LDLRAD3: variants seen among roughly 807,000 people sequenced by gnomAD.
LDLRAD3 encodes the protein low-density lipoprotein receptor class A domain-containing protein 3.
LDLRAD3 carries 20 observed loss-of-function variants against 29.4 expected under a neutral mutation model. The observed-to-expected ratio is 0.68, with a 90% CI of 0.48 to 0.99. The LOEUF (loss-of-function observed/expected upper bound fraction) is 0.99. LDLRAD3 is among the 50% of genes least tolerant of loss of function. The probability of loss-of-function intolerance (pLI) is 0.00; values close to 1 mark genes in which losing one functional copy is unlikely to be tolerated. For missense variants in LDLRAD3, 420 were observed against 454.3 expected (o/e 0.92, Z 0.69); for synonymous variants, 157 against 192.7 (o/e 0.81, Z 1.53).
intron 3 of LDLRAD3, among the ~76,000 whole-genome samples, chr11:36,097,197 C>T (rs1204492812): frequency 6.6e-6 from 1 of 152,122 alleles, no homozygotes; most frequent in Non-Finnish European, 1.5e-5. Flanking sequence ...GCTCACTGAC[C>T]AACTAGGTTC....
At chr11:35,952,360 T>G (rs1312277265) in intron 1 of LDLRAD3, among the ~76,000 whole-genome samples, 1 of 152,174 alleles carries the variant, frequency 6.6e-6, no homozygotes, top group African/African-American at 2.4e-5. Context: ...ATGTCAATAT[T>G]GACTTCATGC....
At chr11:36,107,278 G>T (rs2133283251) in intron 4 of LDLRAD3, among the ~76,000 whole-genome samples, 1 of 151,090 alleles carries the variant, frequency 6.6e-6, no homozygotes, top group Non-Finnish European at 1.5e-5. Context: ...TTGGCTCACT[G>T]CAACCTCCAC....
intron 4 of LDLRAD3, among the ~76,000 whole-genome samples, chr11:36,189,496 A>AG (rs1854905910): frequency 6.6e-6 from 1 of 151,794 alleles, no homozygotes; most frequent in African/African-American, 2.4e-5. Context: ...AAAATGAAGA[A>AG]GAAAAAAAAA....
At chr11:36,166,975 T>TA (rs1854525169) in intron 4 of LDLRAD3, among the ~76,000 whole-genome samples, 1 of 152,192 alleles carries the variant, frequency 6.6e-6, no homozygotes, top group South Asian at 2.1e-4. Flanking sequence ...TATGTGACCT[T>TA]ATTTGGATAT....
chr11:36,213,422 A>T lies in LDLRAD3; in HGVS notation c.455-13663A>T, dbSNP rs747546684. ...TTTAAATTAAACTTTTTCAATCCGC[A>T]TCTAAATTGGGATGGGTGATGTGCT... is the stretch of plus-strand genomic sequence containing the variant. On this transcript the variant is annotated intron_variant, in intron 4 of 5. Transcript: ENST00000315571. This position sits in a 1 kb window ranked among gnomAD's most constrained non-coding sequence, Gnocchi z 4.1. Among the ~76,000 whole-genome samples, 6 of 152,176 alleles carry T rather than the reference A, an allele frequency of 3.9e-5. No individual in the cohort carries two copies. The highest frequency in any genetic ancestry group is 4.4e-5 in the Non-Finnish European group (3 of 68,028).
intron 2 of LDLRAD3, among the ~76,000 whole-genome samples, chr11:36,078,837 G>T (rs1163715091): frequency 6.6e-6 from 1 of 152,170 alleles, no homozygotes; most frequent in Non-Finnish European, 1.5e-5. Context: ...GGCTCCCAGG[G>T]TGGCGGGCAA....
intron 1 of LDLRAD3, among the ~76,000 whole-genome samples, chr11:36,035,556 G>A (rs886362617): frequency 6.6e-6 from 1 of 152,158 alleles, no homozygotes; most frequent in Non-Finnish European, 1.5e-5. Flanking sequence ...ATTCAATGTG[G>A]CCTTTTCTAC....
chr11:36,134,339 C>G (rs1304495715), intron 4 of LDLRAD3, among the ~76,000 whole-genome samples: 1 of 152,186 alleles, frequency 6.6e-6, no homozygotes. Context: ...TTAATAAGCA[C>G]TAATGATATT....
intron 1 of LDLRAD3, among the ~76,000 whole-genome samples, chr11:35,965,404 C>A (rs1015697697): frequency 6.6e-6 from 1 of 152,158 alleles, no homozygotes; most frequent in Non-Finnish European, 1.5e-5. Context: ...TCTTGTAACA[C>A]ACATTTGGGA....
chr11:36,070,768 AG>A (rs1406367037), intron 2 of LDLRAD3, among the ~76,000 whole-genome samples: 4 of 152,196 alleles, frequency 2.6e-5, no homozygotes, highest in Non-Finnish European at 4.4e-5. Flanking sequence ...ATCCTGCTGC[AG>A]GTGGATCACT....
At chr11:36,075,840 A>G (rs1285659762) in intron 2 of LDLRAD3, among the ~76,000 whole-genome samples, 3 of 152,120 alleles carry the variant, frequency 2.0e-5, no homozygotes, top group Non-Finnish European at 4.4e-5. Flanking sequence ...TCATAATCTG[A>G]TACCGTTGTT....
intron 4 of LDLRAD3, among the ~76,000 whole-genome samples, chr11:36,144,580 C>T (rs1313514681): frequency 1.3e-5 from 2 of 149,452 alleles, no homozygotes; most frequent in Admixed American, 1.3e-4. Flanking sequence ...GCCCGGCCGC[C>T]CCGTCTGAGA....
At chr11:36,066,547 A>G (rs532756712) in intron 2 of LDLRAD3, among the ~76,000 whole-genome samples, 99 of 152,192 alleles carry the variant, frequency 6.5e-4, no homozygotes, top group Non-Finnish European at 9.4e-4. Context: ...TTATCCACAT[A>G]TGTGTGTGCA....
intron 4 of LDLRAD3, among the ~76,000 whole-genome samples, chr11:36,106,394 A>G (rs1364890023): frequency 6.6e-6 from 1 of 152,194 alleles, no homozygotes; most frequent in African/African-American, 2.4e-5. Context: ...TGGAGTTCTA[A>G]TGCCTAAGTT....
chr11:36,181,665 C>T (rs899090348), intron 4 of LDLRAD3, among the ~76,000 whole-genome samples: 9 of 152,098 alleles, frequency 5.9e-5, no homozygotes, highest in East Asian at 1.9e-4. Context: ...AAATTAAAAT[C>T]GACTAATTAA....
intron 1 of LDLRAD3, among the ~76,000 whole-genome samples, chr11:36,005,275 G>C (rs1851870425): frequency 6.6e-6 from 1 of 152,186 alleles, no homozygotes; most frequent in African/African-American, 2.4e-5. Context: ...TTTAGAAACA[G>C]CCAGGTCATG....
At chr11:36,151,012 T>C (rs976318743) in intron 4 of LDLRAD3, among the ~76,000 whole-genome samples, 4 of 152,116 alleles carry the variant, frequency 2.6e-5, no homozygotes, top group African/African-American at 9.7e-5. Context: ...TGGAAAGTTC[T>C]CCGAGGTCTG....
chr11:36,021,984 G>A (rs1473680029), intron 1 of LDLRAD3, among the ~76,000 whole-genome samples: 4 of 152,142 alleles, frequency 2.6e-5, no homozygotes, highest in Non-Finnish European at 5.9e-5. Context: ...TGGTCTCAGC[G>A]TTCACCAGGC....
chr11:36,105,232 TGTGTGTGAGA>T (rs1269281366), intron 4 of LDLRAD3, among the ~76,000 whole-genome samples: 2 of 148,402 alleles, frequency 1.3e-5, no homozygotes, highest in African/African-American at 5.1e-5. Context: ...TGTGTGTGTG[TGTGTGTGAGA>T]GAGAGAGAGA....
Sources: allele counts gnomAD v4.1 joint callset (sites outside exome capture counted in the v4.1 genomes callset), GRCh38; gene constraint gnomAD v4.1.1; non-coding constraint Gnocchi (gnomAD v3.1); transcripts MANE v1.5; gene names NCBI Gene and HGNC (gene_info 2026-07-23, HGNC 2026-07-21).